The following LRRC74A variants were observed in gnomAD, a reference collection of about 807,000 sequenced individuals.
The protein encoded by LRRC74A is leucine rich repeat containing 74A, also known as leucine-rich repeat-containing protein 74A.
Under a neutral mutation model 57.9 loss-of-function variants are expected in LRRC74A, and 44 were observed. The ratio of observed to expected loss-of-function variants is 0.76; its 90% CI spans 0.60 to 0.98. The LOEUF is 0.98. LRRC74A is among the 50% of genes least tolerant of loss of function. LRRC74A has a pLI of 0.00. For synonymous variants in LRRC74A, 211 were observed against 219.4 expected, an observed-to-expected ratio of 0.96 and a Z score of 0.34; for missense variants, 572 against 574.0, an observed-to-expected ratio of 1.00 and a Z score of 0.04.
chr14:76,858,074 T>A (rs1898034227), intron 10 of LRRC74A, among the ~76,000 whole-genome samples: 1 of 152,208 alleles, frequency 6.6e-6, no homozygotes, highest in Non-Finnish European at 1.5e-5. Flanking sequence ...CAAAGTGATT[T>A]TATATATTCC....
chr14:76,828,448 G>A, intron 2 of LRRC74A, 29 bp downstream of exon 2: 10 of 1,613,470 alleles, frequency 6.2e-6, no homozygotes, highest in Non-Finnish European at 8.5e-6. Flanking sequence ...GGGCAGTCAG[G>A]GCAGCTTCTC....
intron 5 of LRRC74A, among the ~76,000 whole-genome samples, chr14:76,841,188 C>A (rs1243615171): frequency 6.6e-6 from 1 of 151,936 alleles, no homozygotes; most frequent in East Asian, 1.9e-4. Flanking sequence ...ATTACAGGCG[C>A]CTGCTGCCAT....
intron 1 of LRRC74A, among the ~76,000 whole-genome samples, chr14:76,827,589 C>T (rs1197147116): frequency 6.6e-6 from 1 of 152,174 alleles, no homozygotes; most frequent in East Asian, 1.9e-4. Flanking sequence ...GGTAAAACCA[C>T]ATCTAGCAAG....
intron 7 of LRRC74A, among the ~76,000 whole-genome samples, chr14:76,848,050 G>A (rs1454811811): frequency 1.3e-5 from 2 of 150,194 alleles, no homozygotes; most frequent in African/African-American, 2.5e-5. Context: ...GTGTGCGCCC[G>A]TAATCCCAGC....
At chr14:76,852,687 C>T (rs1336298294) in intron 8 of LRRC74A, among the ~76,000 whole-genome samples, 1 of 147,554 alleles carries the variant, frequency 6.8e-6, no homozygotes, top group African/African-American at 2.5e-5. Context: ...GGTGCAATCT[C>T]GGCTCACTGC....
intron 11 of LRRC74A, among the ~76,000 whole-genome samples, chr14:76,863,412 A>C (rs1053018239): frequency 2.6e-5 from 4 of 152,030 alleles, no homozygotes; most frequent in Non-Finnish European, 5.9e-5. Context: ...CTCTCCCTTC[A>C]CTGCAGGCCT....
chr14:76,857,457 G>A lies in LRRC74A; in HGVS notation c.1035G>A (p.Met345Ile). The change falls in exon 10 of 14, where the codon ATG becomes ATA. Residue 345 changes from methionine (M) to isoleucine (I), a missense_variant. Met to Ile is a conservative substitution (Grantham distance 10, BLOSUM62 1). Coordinates refer to ENST00000689127, the MANE Select transcript of LRRC74A (RefSeq NM_001385106.1). The part of the protein sequence containing the change: ...LAIKRNPKSR[M>I]EELDISNVLV... ...TCAAGAGGAACCCCAAATCCAGGAT[G>A]GAAGAGCTTGATATTTCCGTAAGTG... 1 of 1,579,530 alleles carries A rather than the reference G, an allele frequency of 6.3e-7. No individual in the cohort carries two copies. The highest frequency in any genetic ancestry group is 2.3e-5 in the East Asian group (1 of 43,830).
At chr14:76,855,860 A>T (rs1897840784) in intron 9 of LRRC74A, among the ~76,000 whole-genome samples, 1 of 152,252 alleles carries the variant, frequency 6.6e-6, no homozygotes, top group South Asian at 2.1e-4. Flanking sequence ...ACTGCATACC[A>T]GGCACTTGTT....
intron 7 of LRRC74A, among the ~76,000 whole-genome samples, chr14:76,848,741 G>A (rs1221781482): frequency 6.6e-6 from 1 of 152,184 alleles, no homozygotes; most frequent in Non-Finnish European, 1.5e-5. Flanking sequence ...AGAATAAACT[G>A]ATGCTACAGA....
At position 76,828,825 on chromosome 14, in the gene LRRC74A, G is replaced by T; in HGVS notation, c.166+406G>T. On this transcript the variant is annotated intron_variant, in intron 2 of 13. Coordinates refer to ENST00000689127, the MANE Select transcript of LRRC74A (RefSeq NM_001385106.1). ...TAAAGAGATTATAGGCATTGCCCAG[G>T]GACAGCGGGAGTTTGCCCAGCACGT... 3 of 410,794 alleles carry T rather than the reference G, an allele frequency of 7.3e-6. 1 individual carries two copies. Among genetic ancestry groups the T allele is most frequent in the South Asian group, 5.7e-5 (3 of 53,064 alleles). The allele number at this position is 410,794 out of a possible 1,614,324, so 25.4% of individuals were successfully genotyped here. A position where few individuals can be genotyped will look rare whatever the true frequency, so the allele number is the denominator to read the frequency against.
chr14:76,839,973 C>G (rs954944177), intron 5 of LRRC74A, among the ~76,000 whole-genome samples: 1 of 152,120 alleles, frequency 6.6e-6, no homozygotes. Flanking sequence ...TTGTGATCTG[C>G]CCGCCTCAGC....
At chr14:76,845,627 T>C (rs1285903846) in intron 7 of LRRC74A, among the ~76,000 whole-genome samples, 2 of 152,206 alleles carry the variant, frequency 1.3e-5, no homozygotes, top group Non-Finnish European at 2.9e-5. Context: ...CCAGCACATG[T>C]AGGCCTGAAC....
chr14:76,866,601 G>A (rs1898815228), intron 12 of LRRC74A, among the ~76,000 whole-genome samples: 1 of 152,156 alleles, frequency 6.6e-6, no homozygotes, highest in Non-Finnish European at 1.5e-5. Context: ...CGGGGCCCAG[G>A]CAGGGACGGA....
chr14:76,846,910 C>T (rs776645057), intron 7 of LRRC74A, among the ~76,000 whole-genome samples: 2 of 152,146 alleles, frequency 1.3e-5, no homozygotes, highest in Non-Finnish European at 2.9e-5. Flanking sequence ...GCTGAAGATA[C>T]ACATTTGGGG....
intron 4 of LRRC74A, among the ~76,000 whole-genome samples, chr14:76,837,098 C>T (rs572636129): frequency 1.3e-5 from 2 of 152,140 alleles, no homozygotes; most frequent in South Asian, 2.1e-4. Context: ...GCCGAGATGA[C>T]GCCACTGCAC....
chr14:76,827,295 G>A (rs746087791), intron 1 of LRRC74A, among the ~76,000 whole-genome samples: 1 of 152,012 alleles, frequency 6.6e-6, no homozygotes, highest in African/African-American at 2.4e-5. Context: ...TTGGAACCTG[G>A]GTCTATGGAC....
chr14:76,853,805 T>G (rs1177636126), intron 9 of LRRC74A, among the ~76,000 whole-genome samples: 4 of 152,048 alleles, frequency 2.6e-5, no homozygotes, highest in Non-Finnish European at 4.4e-5. Flanking sequence ...CAGGCTGGAG[T>G]GCAGTGGTAC....
At chr14:76,854,718 G>T (rs1185153574) in intron 9 of LRRC74A, among the ~76,000 whole-genome samples, 1 of 152,212 alleles carries the variant, frequency 6.6e-6, no homozygotes, top group Admixed American at 6.5e-5. Context: ...TCTGATGAAT[G>T]AATGAATTAA....
chr14:76,864,730 T>C (rs1898635621), intron 11 of LRRC74A, among the ~76,000 whole-genome samples: 1 of 152,124 alleles, frequency 6.6e-6, no homozygotes, highest in Non-Finnish European at 1.5e-5. Context: ...GGCGCATGCC[T>C]GTAATCCCAG....
Sources: gnomAD v4.1 joint callset for allele counts (sites outside exome capture counted in the v4.1 genomes callset) on GRCh38, gnomAD v4.1.1 for gene constraint, MANE v1.5 for transcripts, NCBI Gene and HGNC (gene_info 2026-07-23, HGNC 2026-07-21) for gene names.